MED14: variants seen among roughly 807,000 people sequenced by gnomAD.
The protein encoded by MED14 is mediator complex subunit 14, also known as mediator of RNA polymerase II transcription subunit 14.
Under a neutral mutation model 109.0 loss-of-function variants are expected in MED14, and 8 were observed. The observed-to-expected ratio is 0.07, with a 90% confidence interval of 0.04 to 0.13. The LOEUF (loss-of-function observed/expected upper bound fraction) is 0.13, where lower values mean the gene tolerates loss of function less well. Among genes scored for constraint, MED14 ranks in the 10% least tolerant of loss-of-function variants. MED14 has a pLI of 1.00. For synonymous variants in MED14, 399 were observed against 408.7 expected (o/e 0.98, Z 0.29); for missense variants, 711 against 1,142.4 (o/e 0.62, Z 5.44).
At chrX:40,657,219 T>C (rs922272784) in intron 28 of MED14, among the ~76,000 whole-genome samples, 11 of 111,824 alleles carry the variant, frequency 9.8e-5, no homozygotes, top group Admixed American at 1.9e-4. Flanking sequence ...CTATTATGCA[T>C]TGAATTGCGC....
upstream of MED14, chrX:40,735,925 G>A (rs559871460): frequency 1.2e-5 from 3 of 249,659 alleles, no homozygotes; most frequent in African/African-American, 8.8e-5. Context: ...GGGCTGAGCC[G>A]GAGTCGTCAC....
chrX:40,683,440 G>A (rs1390287654), intron 16 of MED14, among the ~76,000 whole-genome samples: 1 of 112,185 alleles, frequency 8.9e-6, no homozygotes, highest in African/African-American at 3.2e-5. Flanking sequence ...TAATGTCTCT[G>A]AATTTCCCAG....
Position 40,712,170 on chromosome X carries a change from A to G in MED14, c.889+16T>C. 1 of 1,126,319 alleles carries G rather than the reference A, an allele frequency of 8.9e-7. No homozygotes were observed. Among genetic ancestry groups the G allele is most frequent in the Non-Finnish European group, 1.2e-6 (1 of 833,331 alleles). 92.8% of individuals were successfully genotyped at this position (1,126,319 alleles called of 1,213,427 possible). A position where few individuals can be genotyped will look rare whatever the true frequency, so the allele number is the denominator to read the frequency against. Reference sequence around the variant, plus strand: ...AAAATCCTTACAAATATATGTCTCAAATTTCAGAAGGATACGTAGGCAGTT... The same window carrying G: ...AAAATCCTTACAAATATATGTCTCAGATTTCAGAAGGATACGTAGGCAGTT... On this transcript the variant is annotated intron_variant, in intron 7 of 30. Transcript: ENST00000324817.
chrX:40,701,683 A>G (rs769520477), intron 11 of MED14, among the ~76,000 whole-genome samples: 2 of 112,232 alleles, frequency 1.8e-5, no homozygotes, highest in Admixed American at 1.9e-4. Context: ...GATCTCTGGC[A>G]TATGGAACAG....
rs182715237 is a variant in MED14 at position 40,678,075 on chromosome X, A to C, written c.2880+1789T>G. On this transcript the variant is annotated intron_variant, in intron 21 of 30. Transcript: ENST00000324817. ...CCCATGTACCTTCTCCCAGTAATCA[A>C]AACAATGAAGTAAACCAAGAAAAAA... is the stretch of plus-strand genomic sequence containing the variant. 5.0e-3 allele frequency among the ~76,000 whole-genome samples: 558 copies of C among 111,281 alleles called. 2 individuals carry two copies. The highest frequency in any genetic ancestry group is 0.016 in the African/African-American group (478 of 30,612).
In MED14 at chrX:40,682,978, A is replaced by T. The variant is rs767032148; in HGVS notation, c.2076T>A (p.Gly692=). The part of the protein sequence containing the change: ...IRLLKIPPCK[G]ITEETQKALD... ...GAGCCTTTTGGGTTTCCTCAGTTAT[A>T]CCCTTACAGGGAGGAATTCTGGTGA... The change falls in exon 17 of 31, where the codon GGT becomes GGA. Residue 692 remains glycine, a synonymous_variant. Transcript: ENST00000324817. The T allele has an allele frequency of 1.7e-6, 2 of 1,205,093 alleles. No individual in the cohort carries two copies. The highest frequency in any genetic ancestry group is 3.0e-5 in the East Asian group (1 of 33,817).
chrX:40,657,425 G>C (rs1196585858), intron 28 of MED14, among the ~76,000 whole-genome samples: 1 of 111,173 alleles, frequency 9.0e-6, no homozygotes, highest in African/African-American at 3.3e-5. Flanking sequence ...TGTGACGACA[G>C]AGGCAGAGGT....
chrX:40,695,959 G>A (rs1930709015), intron 13 of MED14, among the ~76,000 whole-genome samples: 3 of 110,700 alleles, frequency 2.7e-5, no homozygotes, highest in Middle Eastern at 9.2e-3. Context: ...TTTTATAAGC[G>A]ACGAGGTCTC....
upstream of MED14, chrX:40,735,766 G>A (rs1346157836): frequency 5.3e-6 from 2 of 380,462 alleles, no homozygotes; most frequent in Non-Finnish European, 9.9e-6. Context: ...AGCGGAAGGG[G>A]GACCTGCAGA....
intron 8 of MED14, 111 bp from the exon 9 acceptor site, chrX:40,710,240 C>T (rs982834445): frequency 2.4e-6 from 1 of 424,581 alleles, no homozygotes; most frequent in Non-Finnish European, 3.9e-6. Flanking sequence ...ATACGGCAGG[C>T]CCCCAGTGTT....
Position 40,668,274 on chromosome X carries a change from T to C in MED14, c.3134-1423A>G, listed in dbSNP as rs771391703. 3.3e-3 allele frequency among the ~76,000 whole-genome samples: 349 copies of C among 105,823 alleles called. 5 individuals are homozygous for C. The highest frequency in any genetic ancestry group is 0.011 in the African/African-American group (316 of 28,806). 91.9% of individuals were successfully genotyped at this position (105,823 alleles called of 115,157 possible). A position where few individuals can be genotyped will look rare whatever the true frequency, so the allele number is the denominator to read the frequency against. ...GGCATGTGCCTGTAATCCCAGCTAC[T>C]CAGGAGGCTGAGGCAGGAGAATCAC... On this transcript the variant is annotated intron_variant, in intron 23 of 30. Transcript: ENST00000324817.
chrX:40,718,345 T>C (rs1292622185), intron 3 of MED14, among the ~76,000 whole-genome samples: 1 of 111,631 alleles, frequency 9.0e-6, no homozygotes, highest in Non-Finnish European at 1.9e-5. Flanking sequence ...CAGACCAAGG[T>C]CAAGCTCAAA....
At chrX:40,669,560 A>G (rs1929643397) in intron 23 of MED14, among the ~76,000 whole-genome samples, 1 of 112,035 alleles carries the variant, frequency 8.9e-6, no homozygotes, top group Non-Finnish European at 1.9e-5. Context: ...CAACAGGTTC[A>G]AGAGAACTCC....
At chrX:40,704,715 TCAAA>T (rs757610404) in intron 10 of MED14, among the ~76,000 whole-genome samples, 1 of 112,115 alleles carries the variant, frequency 8.9e-6, no homozygotes, top group East Asian at 2.8e-4. Flanking sequence ...ACACAAATTA[TCAAA>T]CAAATTAATA....
intron 15 of MED14, among the ~76,000 whole-genome samples, chrX:40,689,460 G>A (rs746709022): frequency 9.0e-6 from 1 of 111,337 alleles, no homozygotes; most frequent in African/African-American, 3.3e-5. Context: ...TTGGGAGGCC[G>A]AGGCAGTTGG....
rs754942390 is a variant in MED14 at position 40,692,186 on chromosome X, C to A, written c.1977G>T (p.Leu659Phe). The A allele has an allele frequency of 5.8e-6, 7 of 1,207,315 alleles. No homozygotes were observed. In the South Asian group the frequency reaches 1.1e-4, roughly 19 times the overall value. Residue 659 changes from leucine (L) to phenylalanine (F), a missense_variant, in exon 15 of 31, where the codon TTG becomes TTT. Around this residue, in one of 8 missense-constraint regions of MED14, gnomAD observed 388 missense variants for 517.3 expected, o/e 0.75. Coordinates refer to ENST00000324817, the MANE Select transcript of MED14 (RefSeq NM_004229.4). ...DTNMPFVGLR[L>F]ELSNLEIPHQ... ...AGAACTGTTCCAAAAAACTTACCTC[C>A]AACCGAAGTCCTACAAATGGCATAT...
chrX:40,720,727 CAA>C (rs1330172201), intron 3 of MED14, among the ~76,000 whole-genome samples: 2 of 109,397 alleles, frequency 1.8e-5, no homozygotes, highest in African/African-American at 3.3e-5. Flanking sequence ...CTTTTGACAA[CAA>C]AAGAGACTCC....
In MED14 at chrX:40,713,832, T is replaced by C; in HGVS notation, c.598A>G (p.Arg200Gly). ...AGATCTGTGGTTACAAGCCGATGTCTAAGAATCTGATTCAGCTGATGGAGT... is the reference window on the plus strand; with the variant it reads ...AGATCTGTGGTTACAAGCCGATGTCCAAGAATCTGATTCAGCTGATGGAGT... ...ATLHQLNQIL[R>G]HRLVTTDLPP... Residue 200 changes from arginine (R) to glycine (G), a missense_variant, in exon 5 of 31, where the codon AGA becomes GGA. Transcript: ENST00000324817. 1 of 1,210,934 alleles carries C rather than the reference T, an allele frequency of 8.3e-7. No homozygotes were observed. Among genetic ancestry groups the C allele is most frequent in the Non-Finnish European group, 1.1e-6 (1 of 894,428 alleles).
At chrX:40,664,226 A>G in intron 25 of MED14, 81 bp downstream of exon 25, 5 of 938,406 alleles carry the variant, frequency 5.3e-6, no homozygotes, top group Non-Finnish European at 7.4e-6. Flanking sequence ...GTAGGTCATG[A>G]CTTTCAAATG....
Sources: gnomAD v4.1 joint callset for allele counts (sites outside exome capture counted in the v4.1 genomes callset) on GRCh38, gnomAD v4.1.1 for gene constraint, gnomAD v4.1.1 regional missense constraint, MANE v1.5 for transcripts, NCBI Gene and HGNC (gene_info 2026-07-23, HGNC 2026-07-21) for gene names.